TTC3: variants seen among roughly 807,000 people sequenced by gnomAD.
TTC3 encodes the protein E3 ubiquitin-protein ligase TTC3.
In TTC3, 180 loss-of-function variants were observed where a neutral mutation model predicts 249.6. The observed-to-expected ratio is 0.72, with a 90% CI of 0.64 to 0.82. The LOEUF (loss-of-function observed/expected upper bound fraction) is 0.82, where lower values mean the gene tolerates loss of function less well. TTC3 is among the 40% of genes least tolerant of loss of function. The pLI is 0.00. For missense variants in TTC3, 2,061 were observed against 2,398.4 expected (o/e 0.86, Z 2.94); for synonymous variants, 717 against 805.0 (o/e 0.89, Z 1.85).
At chr21:37,201,304 C>T (rs1319577008) in intron 45 of TTC3, 136 bp from the exon 46 acceptor site, 13 of 1,080,832 alleles carry the variant, frequency 1.2e-5, no homozygotes, top group Non-Finnish European at 1.8e-5. Flanking sequence ...GTTGGTGTCC[C>T]TGAGTATTGG....
intron 35 of TTC3, among the ~76,000 whole-genome samples, chr21:37,173,075 A>AT (rs1307276707): frequency 6.6e-6 from 1 of 152,156 alleles, no homozygotes; most frequent in Non-Finnish European, 1.5e-5. Context: ...CAGCATAGGA[A>AT]TAGAGGTTCA....
At chr21:37,184,590 GATT>G (rs2148162366) in intron 36 of TTC3, among the ~76,000 whole-genome samples, 1 of 150,250 alleles carries the variant, frequency 6.7e-6, no homozygotes, top group African/African-American at 2.4e-5. Context: ...GAGTAACTGG[GATT>G]ACAGGTGCCC....
intron 35 of TTC3, among the ~76,000 whole-genome samples, chr21:37,176,980 CA>C (rs2082336294): frequency 6.6e-6 from 1 of 152,172 alleles, no homozygotes. Context: ...CTCCCAGCCA[CA>C]AAACCCCAGT....
chr21:37,144,731 G>A, intron 21 of TTC3, 86 bp downstream of exon 21: 1 of 1,494,434 alleles, frequency 6.7e-7, no homozygotes, highest in Non-Finnish European at 9.0e-7. Context: ...GGAGAGGTAG[G>A]AGCATTCCAT....
intron 1 of TTC3, chr21:37,087,044 G>A (rs1053865384): frequency 3.5e-6 from 2 of 574,202 alleles, no homozygotes; most frequent in African/African-American, 1.9e-5. Context: ...AGGAAAGGAA[G>A]AAATAGATTA....
chr21:37,186,655 G>A (rs999774111), intron 37 of TTC3, among the ~76,000 whole-genome samples: 1 of 152,146 alleles, frequency 6.6e-6, no homozygotes, highest in East Asian at 1.9e-4. Context: ...TTGAACTTCT[G>A]GGCCCAAGCG....
rs537618908 is a variant in TTC3 at position 37,093,090 on chromosome 21, A to G, written c.602-915A>G. 1.1e-4 allele frequency among the ~76,000 whole-genome samples: 16 copies of G among 152,266 alleles called. No individual in the cohort carries two copies. In the South Asian group the frequency reaches 3.3e-3, roughly 32 times the overall value. ...GAGCTTCGCTATGACATTCAAAGGA[A>G]ATGCTCGCTGGGCGCGGTGGCTCAC... On this transcript the variant is annotated intron_variant, in intron 7 of 45. Transcript: ENST00000355666.
intron 12 of TTC3, among the ~76,000 whole-genome samples, chr21:37,122,424 ATATATATATATAT>A (rs2076674316): frequency 4.1e-4 from 11 of 26,808 alleles, no homozygotes; most frequent in African/African-American, 1.2e-3. Context: ...TATATAATAT[ATATATATATATAT>A]TATATATATA....
chr21:37,108,155 A>T, intron 10 of TTC3: 1 of 400,858 alleles, frequency 2.5e-6, no homozygotes, highest in Non-Finnish European at 4.5e-6. Context: ...GAAATATTAA[A>T]AGTAGTTATT....
At chr21:37,144,779 A>G (rs2078842547) in intron 21 of TTC3, 134 bp downstream of exon 21, 1 of 1,094,390 alleles carries the variant, frequency 9.1e-7, no homozygotes, top group Non-Finnish European at 1.3e-6. Context: ...TCTACTGTCT[A>G]ATGAGAATCT....
At chr21:37,092,868 G>A (rs916346089) in intron 7 of TTC3, among the ~76,000 whole-genome samples, 5 of 151,970 alleles carry the variant, frequency 3.3e-5, no homozygotes, top group Non-Finnish European at 7.4e-5. Context: ...AATGAGGCCC[G>A]ATAAACTTTA....
chr21:37,106,895 A>C (rs987086835), intron 10 of TTC3, among the ~76,000 whole-genome samples: 8 of 152,118 alleles, frequency 5.3e-5, no homozygotes, highest in Non-Finnish European at 7.4e-5. Flanking sequence ...CCTTGTTTCA[A>C]AAAAAAGAAA....
At chr21:37,153,953 T>G (rs1455431471) in intron 27 of TTC3, among the ~76,000 whole-genome samples, 7 of 152,180 alleles carry the variant, frequency 4.6e-5, no homozygotes, top group Admixed American at 4.6e-4. Context: ...AACTCTGTAC[T>G]GTGTTCTGAC....
chr21:37,159,481 T>C (rs1203331501), intron 28 of TTC3: 1 of 549,162 alleles, frequency 1.8e-6, no homozygotes, highest in East Asian at 3.1e-5. Context: ...CTCAACATTA[T>C]GCTGAATCAG....
At chr21:37,146,009 G>T (rs1407918011) in intron 21 of TTC3, among the ~76,000 whole-genome samples, 1 of 152,224 alleles carries the variant, frequency 6.6e-6, no homozygotes, top group Non-Finnish European at 1.5e-5. Context: ...TGATCCAGCA[G>T]TTTCACTCCT....
intron 2 of TTC3, 91 bp downstream of exon 2, chr21:37,087,492 C>T (rs138826353): frequency 2.3e-5 from 35 of 1,499,464 alleles, no homozygotes; most frequent in African/African-American, 2.0e-4. Flanking sequence ...TTTTGTGGTA[C>T]GTGCGTTTTG....
At position 37,161,043 on chromosome 21, in the gene TTC3, T is replaced by C. The variant is rs140705368; in HGVS notation, c.3096+185T>C. Among the ~76,000 whole-genome samples, 4 of 152,090 alleles carry C rather than the reference T, an allele frequency of 2.6e-5. No individual in the cohort carries two copies. The East Asian group carries it at 5.8e-4, about 22-fold the overall frequency. ...GAAATTCCAGGTTCATATTATATAATAGCAAGTCTTGACACTCGTATTCTT... is the reference window on the plus strand; with the variant it reads ...GAAATTCCAGGTTCATATTATATAACAGCAAGTCTTGACACTCGTATTCTT... On this transcript the variant is annotated intron_variant, in intron 30 of 45. Coordinates refer to ENST00000355666, the Ensembl canonical transcript of TTC3.
chr21:37,075,206 A>G (rs987165942), intron 1 of TTC3, among the ~76,000 whole-genome samples: 1 of 139,578 alleles, frequency 7.2e-6, no homozygotes, highest in African/African-American at 2.6e-5. Flanking sequence ...TGAGGTTTAT[A>G]TATGAACAAA....
At chr21:37,089,301 A>G (rs968726744) in intron 5 of TTC3, among the ~76,000 whole-genome samples, 6 of 152,098 alleles carry the variant, frequency 3.9e-5, no homozygotes, top group African/African-American at 1.4e-4. Context: ...TCATTATGCT[A>G]TTGAGATAAG....
Sources: gnomAD v4.1 joint callset for allele counts (sites outside exome capture counted in the v4.1 genomes callset) on GRCh38, gnomAD v4.1.1 for gene constraint, MANE v1.5 for transcripts, NCBI Gene and HGNC (gene_info 2026-07-23, HGNC 2026-07-21) for gene names.